Variants in RIMBP2 observed in about 807,000 individuals in gnomAD.
The protein encoded by RIMBP2 is RIMS binding protein 2, also known as RIMS-binding protein 2.
A neutral mutation model predicts 118.6 loss-of-function variants in RIMBP2; 48 were observed. The observed-to-expected ratio is 0.40, with a 90% CI of 0.32 to 0.51. RIMBP2 has a LOEUF of 0.51. RIMBP2 is among the 20% of genes least tolerant of loss of function. The pLI is 0.41. For missense variants in RIMBP2, 1,551 were observed against 1,768.3 expected, an observed-to-expected ratio of 0.88 and a Z score of 2.20; for synonymous variants, 762 against 742.9, an observed-to-expected ratio of 1.03 and a Z score of -0.42.
In RIMBP2 at chr12:130,473,160, T is replaced by C. The variant is rs946147657; in HGVS notation, c.103-2417A>G. On this transcript the variant is annotated intron_variant, in intron 5 of 22. Coordinates refer to ENST00000690449, the MANE Select transcript of RIMBP2 (RefSeq NM_001393629.1). The stretch of plus-strand genomic sequence containing the variant: ...CCAGCTTCAGATGAAAACCAGTGCA[T>C]TTTTGCAGGTGCAAACTGGGCCATT... Among the ~76,000 whole-genome samples, 7 of 152,222 alleles carry C rather than the reference T, an allele frequency of 4.6e-5. No homozygotes were observed. In the East Asian group the frequency reaches 5.8e-4, roughly 13 times the overall value.
At chr12:130,589,759 T>A (rs2059141754) in intron 2 of RIMBP2, among the ~76,000 whole-genome samples, 1 of 152,234 alleles carries the variant, frequency 6.6e-6, no homozygotes, top group African/African-American at 2.4e-5. Flanking sequence ...TTTAATTTTT[T>A]AAAAATTGAC....
chr12:130,681,563 C>T (rs1015036965), intron 1 of RIMBP2, among the ~76,000 whole-genome samples: 2 of 152,072 alleles, frequency 1.3e-5, no homozygotes, highest in Admixed American at 6.6e-5. Context: ...TCTCATATTT[C>T]ATGTTAATAA....
chr12:130,707,052 C>T (rs909400700), intron 1 of RIMBP2, among the ~76,000 whole-genome samples: 9 of 152,192 alleles, frequency 5.9e-5, no homozygotes, highest in African/African-American at 9.7e-5. Context: ...TGTCCTCAAG[C>T]GACAAGATTC....
In RIMBP2 at chr12:130,670,773, C is replaced by CATTT. The variant is rs1033443582; in HGVS notation, c.-351-42321_-351-42318dup. Among the ~76,000 whole-genome samples the CATTT allele has an allele frequency of 6.6e-6, 1 of 152,074 alleles. No homozygotes were observed. The highest frequency in any genetic ancestry group is 1.5e-5 in the Non-Finnish European group (1 of 68,012). ...GAAGATTTAGGAAGACTTTTCTTTC[C>CATTT]ATTTATTTATTTATTTATGAGATAC... is the stretch of plus-strand genomic sequence containing the variant. On this transcript the variant is annotated intron_variant, in intron 1 of 22. Transcript: ENST00000690449. This position sits in a 1 kb window ranked among gnomAD's most constrained non-coding sequence, Gnocchi z 4.9.
Position 130,710,147 on chromosome 12 carries a change from T to C in RIMBP2, c.-352+6075A>G, listed in dbSNP as rs1342774075. Among the ~76,000 whole-genome samples the C allele has an allele frequency of 6.6e-6, 1 of 152,150 alleles. No homozygotes were observed. Among genetic ancestry groups the C allele is most frequent in the Admixed American group, 6.5e-5 (1 of 15,274 alleles). On this transcript the variant is annotated intron_variant, in intron 1 of 22. Coordinates refer to ENST00000690449, the MANE Select transcript of RIMBP2 (RefSeq NM_001393629.1). This position sits in a 1 kb window ranked among gnomAD's most constrained non-coding sequence, Gnocchi z 4.3. Reference sequence around the variant, plus strand: ...CCAAAAACACCCAAGGAGCAATTTCTGCACATACCTATGAGAATCAAAGCC... The same window carrying C: ...CCAAAAACACCCAAGGAGCAATTTCCGCACATACCTATGAGAATCAAAGCC...
At chr12:130,629,484 G>A (rs2140936776) in intron 1 of RIMBP2, among the ~76,000 whole-genome samples, 1 of 152,288 alleles carries the variant, frequency 6.6e-6, no homozygotes, top group South Asian at 2.1e-4. Context: ...ATCTGTGAGG[G>A]AAACACATCT....
At chr12:130,402,757 C>T (rs991272320) in intron 21 of RIMBP2, among the ~76,000 whole-genome samples, 1 of 152,108 alleles carries the variant, frequency 6.6e-6, no homozygotes, top group African/African-American at 2.4e-5. Flanking sequence ...CTCTGTGCCC[C>T]AGTCAGTGAG....
chr12:130,438,334 A>AGGCCCCCCCCC, intron 12 of RIMBP2, 31 bp downstream of exon 12: 1 of 1,344,516 alleles, frequency 7.4e-7, no homozygotes, highest in Non-Finnish European at 1.1e-6. Flanking sequence ...GGGCCTAACA[A>AGGCCCCCCCCC]ACCCTCCCCA....
chr12:130,423,358 C>T (rs371987161), intron 16 of RIMBP2, among the ~76,000 whole-genome samples: 70 of 152,328 alleles, frequency 4.6e-4, no homozygotes, highest in East Asian at 1.4e-3. Flanking sequence ...GCACGGATCT[C>T]GCACCTCTCC....
In RIMBP2 at chr12:130,581,958, T is replaced by TCACCAC. The variant is rs563233802; in HGVS notation, c.-217+46358_-217+46363dup. On this transcript the variant is annotated intron_variant, in intron 2 of 22. Coordinates refer to ENST00000690449, the MANE Select transcript of RIMBP2 (RefSeq NM_001393629.1). The surrounding 1 kb of genome is among the most constrained non-coding windows in gnomAD (Gnocchi z 4.4). ...CCTCCCTGGCTCAGTCACTCTCACT[T>TCACCAC]CACCACCACCACCACCACCGACCTC... Among the ~76,000 whole-genome samples the TCACCAC allele has an allele frequency of 3.9e-5, 6 of 152,056 alleles. No individual in the cohort carries two copies. The highest frequency in any genetic ancestry group is 1.4e-4 in the African/African-American group (6 of 41,484).
intron 1 of RIMBP2, among the ~76,000 whole-genome samples, chr12:130,700,100 C>T (rs934940185): frequency 1.3e-5 from 2 of 152,080 alleles, no homozygotes; most frequent in Non-Finnish European, 2.9e-5. Context: ...CCTCCCCAGC[C>T]ACCCAACTGA....
chr12:130,482,831 G>A (rs1359029020), intron 4 of RIMBP2, among the ~76,000 whole-genome samples: 5 of 144,456 alleles, frequency 3.5e-5, no homozygotes, highest in East Asian at 2.2e-4. Context: ...GTCAGATTCT[G>A]CAGGGGAGGG....
At chr12:130,516,592 A>G (rs2051487019) in intron 3 of RIMBP2, among the ~76,000 whole-genome samples, 2 of 152,240 alleles carry the variant, frequency 1.3e-5, no homozygotes, top group Non-Finnish European at 2.9e-5. Flanking sequence ...CCTTACCAGG[A>G]GGGACGCGTA....
At chr12:130,454,628 C>T (rs921234574) in intron 7 of RIMBP2, among the ~76,000 whole-genome samples, 2 of 152,260 alleles carry the variant, frequency 1.3e-5, no homozygotes, top group Non-Finnish European at 1.5e-5. Context: ...AAACAGAAGC[C>T]GTGGTGCAAA....
intron 2 of RIMBP2, among the ~76,000 whole-genome samples, chr12:130,526,311 T>C (rs899000926): frequency 2.0e-5 from 3 of 152,228 alleles, no homozygotes; most frequent in African/African-American, 7.2e-5. Context: ...AATCACCGTA[T>C]TGACTGTCCT....
In RIMBP2 at chr12:130,562,028, T is replaced by C. The variant is rs999494349; in HGVS notation, c.-216-44111A>G. Among the ~76,000 whole-genome samples, 6 of 152,120 alleles carry C rather than the reference T, an allele frequency of 3.9e-5. No homozygotes were observed. In the East Asian group the frequency reaches 7.7e-4, roughly 20 times the overall value. ...ACTATCAAACTCTGCAAAAATGACA[T>C]TACCTTTGATCTGTGAAATAAAGCA... On this transcript the variant is annotated intron_variant, in intron 2 of 22. Coordinates refer to ENST00000690449, the MANE Select transcript of RIMBP2 (RefSeq NM_001393629.1).
In RIMBP2 at chr12:130,434,410, C is replaced by T. The variant is rs1252042261; in HGVS notation, c.2253+324G>A. ...TGCCCAGTTAACGGAGGTGAATGAG[C>T]GAATGGCAGGTTCTGCCTGAACTGA... On this transcript the variant is annotated intron_variant, in intron 14 of 22. Coordinates refer to ENST00000690449, the MANE Select transcript of RIMBP2 (RefSeq NM_001393629.1). This position sits in a 1 kb window ranked among gnomAD's most constrained non-coding sequence, Gnocchi z 5.7. Among the ~76,000 whole-genome samples the T allele has an allele frequency of 1.3e-5, 2 of 152,258 alleles. No homozygotes were observed. The highest frequency in any genetic ancestry group is 1.9e-4 in the East Asian group (1 of 5,178).
rs1290702568 is a variant in RIMBP2 at position 130,424,703 on chromosome 12, G to A, written c.2568C>T (p.Ser856=). ...TGGCCAGCCCCGTCCTGGCCCTGGGGGACGGCCCTGCACCCTGCTTGTGTA... is the reference window on the plus strand; with the variant it reads ...TGGCCAGCCCCGTCCTGGCCCTGGGAGACGGCCCTGCACCCTGCTTGTGTA... ...GLLHKQGAGP[S]PRARTGLARE... Residue 856 remains serine (S), a synonymous_variant, in exon 16 of 23, where the codon TCC becomes TCT. Transcript: ENST00000690449. This position sits in a 1 kb window ranked among gnomAD's most constrained non-coding sequence, Gnocchi z 9.8. 8.1e-7 allele frequency: 1 copy of A among 1,232,086 alleles called. No individual in the cohort carries two copies. Among genetic ancestry groups the A allele is most frequent in the East Asian group, 3.2e-5 (1 of 31,690 alleles). The allele number at this position is 1,232,086 out of a possible 1,614,324, so 76.3% of individuals were successfully genotyped here.
intron 12 of RIMBP2, among the ~76,000 whole-genome samples, chr12:130,437,495 G>A (rs926667731): frequency 1.3e-5 from 2 of 152,184 alleles, no homozygotes; most frequent in Non-Finnish European, 2.9e-5. Flanking sequence ...TCAGGCCCCA[G>A]GACCCAATCA....
Sources: allele counts gnomAD v4.1 joint callset (sites outside exome capture counted in the v4.1 genomes callset), GRCh38; gene constraint gnomAD v4.1.1; non-coding constraint Gnocchi (gnomAD v3.1); transcripts MANE v1.5; gene names NCBI Gene and HGNC (gene_info 2026-07-23, HGNC 2026-07-21).